The following CDH4 variants were observed in gnomAD, a reference collection of about 807,000 sequenced individuals.
CDH4 encodes cadherin 4.
A neutral mutation model predicts 86.0 loss-of-function variants in CDH4; 33 were observed. The observed-to-expected ratio is 0.38, with a 90% CI of 0.29 to 0.51. CDH4 has a LOEUF of 0.51. Ranked by LOEUF, CDH4 falls within the 20% of genes least tolerant of loss-of-function variation. CDH4 has a pLI of 0.86. For synonymous variants in CDH4, 555 were observed against 549.4 expected (o/e 1.01, Z -0.14); for missense variants, 1,114 against 1,307.4 (o/e 0.85, Z 2.28).
intron 2 of CDH4, among the ~76,000 whole-genome samples, chr20:61,626,829 G>A (rs1258020860): frequency 6.6e-6 from 1 of 152,204 alleles, no homozygotes; most frequent in African/African-American, 2.4e-5. Flanking sequence ...AATTGCGCTC[G>A]AAGGGTCAGA....
Position 61,422,424 on chromosome 20 carries a change from C to CAAAAAAAAAAAAAA in CDH4, c.169+167517_169+167530dup, listed in dbSNP as rs869235928. 2.0e-3 allele frequency among the ~76,000 whole-genome samples: 44 copies of CAAAAAAAAAAAAAA among 22,260 alleles called. 5 individuals are homozygous for CAAAAAAAAAAAAAA. Among genetic ancestry groups the CAAAAAAAAAAAAAA allele is most frequent in the Non-Finnish European group, 2.9e-3 (36 of 12,296 alleles). The allele number at this position is 22,260 out of a possible 152,430, so 14.6% of individuals were successfully genotyped here. A position where few individuals can be genotyped will look rare whatever the true frequency, so the allele number is the denominator to read the frequency against. On this transcript the variant is annotated intron_variant, in intron 2 of 15. Transcript: ENST00000614565. ...GGGCAATAAGAGCAAAACTCCGTCT[C>CAAAAAAAAAAAAAA]AAAAAAAAAAAAAAAAAAAAAAAAA...
chr20:61,744,384 AGGAGGGAGAGAGATGGAAAGAGGT>A (rs1377560826), intron 3 of CDH4, among the ~76,000 whole-genome samples: 2 of 144,486 alleles, frequency 1.4e-5, no homozygotes, highest in African/African-American at 5.2e-5. Flanking sequence ...GAGAGAGAGA[AGGAGGGAGAGAGATGGAAAGAGGT>A]GGAGGGAGAG....
At chr20:61,461,468 C>T (rs2145559048) in intron 2 of CDH4, among the ~76,000 whole-genome samples, 1 of 152,216 alleles carries the variant, frequency 6.6e-6, no homozygotes, top group South Asian at 2.1e-4. Flanking sequence ...GACTCGGCTT[C>T]CGCTGGAAGG....
At chr20:61,646,543 A>T (rs1357299467) in intron 2 of CDH4, among the ~76,000 whole-genome samples, 1 of 152,156 alleles carries the variant, frequency 6.6e-6, no homozygotes, top group Admixed American at 6.5e-5. Flanking sequence ...GCCTCAGCTC[A>T]TTGTCAAGTA....
At chr20:61,578,283 G>T (rs1161132188) in intron 2 of CDH4, among the ~76,000 whole-genome samples, 1 of 152,168 alleles carries the variant, frequency 6.6e-6, no homozygotes, top group Non-Finnish European at 1.5e-5. Context: ...GCACTGGGGG[G>T]GAATGACACA....
chr20:61,491,112 C>A (rs1036804435), intron 2 of CDH4, among the ~76,000 whole-genome samples: 1 of 152,162 alleles, frequency 6.6e-6, no homozygotes, highest in African/African-American at 2.4e-5. Flanking sequence ...TATGGTATAG[C>A]CAACACCATG....
At chr20:61,635,403 T>C (rs529130519) in intron 2 of CDH4, among the ~76,000 whole-genome samples, 45 of 152,258 alleles carry the variant, frequency 3.0e-4, no homozygotes, top group African/African-American at 1.0e-3. Context: ...GGGAGAATGG[T>C]GACTTGGCTG....
chr20:61,762,469 C>T (rs989218932), intron 3 of CDH4, among the ~76,000 whole-genome samples: 1 of 152,228 alleles, frequency 6.6e-6, no homozygotes, highest in East Asian at 1.9e-4. Flanking sequence ...AAAAGGAGGG[C>T]TCTGTTTTCC....
At chr20:61,654,286 G>A (rs1011798770) in intron 2 of CDH4, among the ~76,000 whole-genome samples, 18 of 152,322 alleles carry the variant, frequency 1.2e-4, no homozygotes, top group African/African-American at 3.6e-4. Flanking sequence ...CCAGTCAGGC[G>A]TGGTGGCACG....
intron 5 of CDH4, among the ~76,000 whole-genome samples, chr20:61,846,934 G>A (rs138281052): frequency 3.9e-5 from 6 of 152,268 alleles, no homozygotes; most frequent in East Asian, 1.9e-4. Flanking sequence ...GGTGCTGGCC[G>A]GGGCATCTGA....
chr20:61,495,675 G>A (rs979544387), intron 2 of CDH4, among the ~76,000 whole-genome samples: 1 of 152,164 alleles, frequency 6.6e-6, no homozygotes, highest in Non-Finnish European at 1.5e-5. Context: ...GGCTGAGGCA[G>A]GTGGATCGCC....
At chr20:61,406,628 C>A (rs1163959278) in intron 2 of CDH4, among the ~76,000 whole-genome samples, 2 of 134,830 alleles carry the variant, frequency 1.5e-5, no homozygotes, top group Non-Finnish European at 3.1e-5. Context: ...CACCATCTGC[C>A]ATCTGTTCTG....
Position 61,419,160 on chromosome 20 carries a change from T to A in CDH4, c.169+164223T>A, listed in dbSNP as rs6121820. On this transcript the variant is annotated intron_variant, in intron 2 of 15. Transcript: ENST00000614565. The stretch of plus-strand genomic sequence containing the variant: ...TCGCAGGGTTTGGTGGGACTGCTGG[T>A]TATGGGGGTGGGGCTCACTGCAGAC... Among the ~76,000 whole-genome samples, 339 of 152,164 alleles carry A rather than the reference T, an allele frequency of 2.2e-3. 3 individuals carry two copies. The highest frequency in any genetic ancestry group is 7.7e-3 in the African/African-American group (320 of 41,516).
At chr20:61,782,076 G>A (rs1978575211) in intron 4 of CDH4, among the ~76,000 whole-genome samples, 1 of 152,208 alleles carries the variant, frequency 6.6e-6, no homozygotes, top group African/African-American at 2.4e-5. Context: ...GGAGGCCAAT[G>A]CAGGCAGATC....
At chr20:61,305,735 G>GA (rs2123213334) in intron 2 of CDH4, among the ~76,000 whole-genome samples, 1 of 152,258 alleles carries the variant, frequency 6.6e-6, no homozygotes, top group South Asian at 2.1e-4. Flanking sequence ...AGATCGAAGG[G>GA]AGCCACCTTG....
chr20:61,385,770 C>A (rs1477188660), intron 2 of CDH4, among the ~76,000 whole-genome samples: 2 of 152,150 alleles, frequency 1.3e-5, no homozygotes, highest in African/African-American at 4.8e-5. Context: ...ATCTTCTCTT[C>A]GTGGGAGAAG....
At chr20:61,666,703 G>A (rs1293510820) in intron 2 of CDH4, among the ~76,000 whole-genome samples, 1 of 152,134 alleles carries the variant, frequency 6.6e-6, no homozygotes, top group Non-Finnish European at 1.5e-5. Flanking sequence ...AACCCCCTCC[G>A]CCCCAGATCG....
intron 4 of CDH4, among the ~76,000 whole-genome samples, chr20:61,809,011 C>T (rs1321384983): frequency 6.6e-6 from 1 of 152,154 alleles, no homozygotes; most frequent in African/African-American, 2.4e-5. Flanking sequence ...TGAGTGTGTG[C>T]CCACCCACCA....
chr20:61,565,077 GTGGTGGTGGTGCTCTTGGTGGTGCTCT>G (rs1223617980), intron 2 of CDH4, among the ~76,000 whole-genome samples: 4 of 136,574 alleles, frequency 2.9e-5, no homozygotes, highest in Non-Finnish European at 6.3e-5. Context: ...GGTGGTGGTG[GTGGTGGTGGTGCTCTTGGTGGTGCTCT>G]TGGTGGTGCT....
Sources: allele counts gnomAD v4.1 joint callset (sites outside exome capture counted in the v4.1 genomes callset), GRCh38; gene constraint gnomAD v4.1.1; transcripts MANE v1.5; gene names NCBI Gene and HGNC (gene_info 2026-07-23, HGNC 2026-07-21).